The following ZMYM2 variants were observed in gnomAD, a reference collection of about 807,000 sequenced individuals.
ZMYM2 encodes zinc finger MYM-type protein 2.
A neutral mutation model predicts 162.8 loss-of-function variants in ZMYM2; 56 were observed. The ratio of observed to expected loss-of-function variants is 0.34; its 90% confidence interval spans 0.28 to 0.43. The LOEUF is 0.43. Among genes scored for constraint, ZMYM2 ranks in the 20% least tolerant of loss-of-function variants. The pLI, the probability that ZMYM2 is intolerant of heterozygous loss-of-function variation, is 1.00. For missense variants in ZMYM2, 1,275 were observed against 1,621.8 expected (o/e 0.79, Z 3.67); for synonymous variants, 510 against 541.6 (o/e 0.94, Z 0.81).
the ZMYM2 span, among the ~76,000 whole-genome samples, chr13:19,884,458 G>C: frequency 6.6e-6 from 1 of 152,036 alleles, no homozygotes. Context: ...GGCGGCCGTG[G>C]TCCCAGCTAC....
chr13:19,946,417 C>T, the ZMYM2 span, among the ~76,000 whole-genome samples: 17 of 152,160 alleles, frequency 1.1e-4, no homozygotes, highest in African/African-American at 4.1e-4. Flanking sequence ...TCTTGATTTT[C>T]CTGCTGTTCA....
chr13:20,009,396 T>A (rs556255763), intron 6 of ZMYM2, among the ~76,000 whole-genome samples: 13 of 152,318 alleles, frequency 8.5e-5, no homozygotes, highest in African/African-American at 3.1e-4. Flanking sequence ...TCATAAGGTT[T>A]TTAAACATTG....
At chr13:20,006,213 A>G (rs1950730952) in intron 5 of ZMYM2, among the ~76,000 whole-genome samples, 161 bp from the exon 6 acceptor site, 2 of 148,684 alleles carry the variant, frequency 1.3e-5, no homozygotes, top group Admixed American at 6.9e-5. Context: ...AGCCTGGGTA[A>G]TGAGTGAGAC....
At chr13:20,049,465 T>C (rs1707118069) in intron 12 of ZMYM2, among the ~76,000 whole-genome samples, 1 of 152,042 alleles carries the variant, frequency 6.6e-6, no homozygotes, top group African/African-American at 2.4e-5. Context: ...AGAGTCAGCA[T>C]AGTACATGTA....
chr13:19,904,026 G>A, the ZMYM2 span, among the ~76,000 whole-genome samples: 4 of 152,070 alleles, frequency 2.6e-5, no homozygotes, highest in East Asian at 7.7e-4. Flanking sequence ...AGACCTAGAG[G>A]ACCCAAGAGA....
At chr13:20,003,921 T>G (rs1950562641) in intron 4 of ZMYM2, among the ~76,000 whole-genome samples, 1 of 152,200 alleles carries the variant, frequency 6.6e-6, no homozygotes, top group Non-Finnish European at 1.5e-5. Context: ...AGTGCTGGGA[T>G]TATAGGCGTG....
chr13:19,902,507 T>G, the ZMYM2 span, among the ~76,000 whole-genome samples: 1 of 151,886 alleles, frequency 6.6e-6, no homozygotes, highest in Non-Finnish European at 1.5e-5. Flanking sequence ...TCCCAGCTAC[T>G]CGGGAGGCTG....
chr13:20,005,986 C>A (rs2139965057), intron 5 of ZMYM2, among the ~76,000 whole-genome samples: 1 of 152,238 alleles, frequency 6.6e-6, no homozygotes, highest in East Asian at 1.9e-4. Context: ...AATCCTAGCA[C>A]TTTGGGAAGC....
chr13:19,971,578 T>C (rs1321724228), intron 2 of ZMYM2, among the ~76,000 whole-genome samples: 2 of 151,984 alleles, frequency 1.3e-5, no homozygotes, highest in Admixed American at 6.6e-5. Flanking sequence ...CCGATTCATT[T>C]TTAAGAAGTT....
the ZMYM2 span, among the ~76,000 whole-genome samples, chr13:19,907,442 TC>T: frequency 6.6e-6 from 1 of 152,126 alleles, no homozygotes; most frequent in Non-Finnish European, 1.5e-5. Context: ...ATCTGTACTT[TC>T]CACTCAAATT....
intron 10 of ZMYM2, 91 bp downstream of exon 10, chr13:20,031,526 T>C: frequency 1.2e-6 from 1 of 816,376 alleles, no homozygotes; most frequent in South Asian, 2.7e-5. Context: ...ACCTATTTCT[T>C]GGTAGATAAA....
chr13:19,961,659 T>C (rs1478647176), intron 2 of ZMYM2, among the ~76,000 whole-genome samples: 1 of 152,192 alleles, frequency 6.6e-6, no homozygotes, highest in Non-Finnish European at 1.5e-5. Context: ...ACATAAAAAA[T>C]GCAAAATCAG....
intron 2 of ZMYM2, among the ~76,000 whole-genome samples, chr13:19,988,279 T>C (rs1949337732): frequency 1.3e-5 from 2 of 152,348 alleles, no homozygotes; most frequent in South Asian, 4.1e-4. Flanking sequence ...CACTAGAACT[T>C]GGTTTATGGT....
chr13:20,009,426 T>C (rs944015380), intron 6 of ZMYM2, among the ~76,000 whole-genome samples: 4 of 152,198 alleles, frequency 2.6e-5, no homozygotes, highest in African/African-American at 9.6e-5. Flanking sequence ...ATATGTAACA[T>C]AAAATTTGCA....
chr13:20,059,428 A>G lies in ZMYM2; in HGVS notation c.2624-19A>G. 6.2e-7 allele frequency: 1 copy of G among 1,612,280 alleles called. No homozygotes were observed. The highest frequency in any genetic ancestry group is 8.5e-7 in the Non-Finnish European group (1 of 1,178,982). ...AGTGTTAGTTAACATTGCTCCTTAA[A>G]TATGTTTTGTGTTTTTAGATGATAC... On this transcript the variant is annotated intron_variant, in intron 15 of 24. Coordinates refer to ENST00000610343, the MANE Select transcript of ZMYM2 (RefSeq NM_197968.4).
the ZMYM2 span, among the ~76,000 whole-genome samples, chr13:19,944,967 G>A: frequency 1.3e-4 from 19 of 150,956 alleles, no homozygotes; most frequent in Non-Finnish European, 2.4e-4. Flanking sequence ...CACTGCGCCC[G>A]GCCCCTATTT....
chr13:20,063,135 G>GT (rs1437816590), intron 18 of ZMYM2, among the ~76,000 whole-genome samples, 164 bp downstream of exon 18: 4 of 150,802 alleles, frequency 2.7e-5, no homozygotes, highest in Admixed American at 6.6e-5. Context: ...TTTTGTTGTT[G>GT]TTTTTTTTTA....
chr13:20,039,399 G>A (rs1954022075), intron 12 of ZMYM2, among the ~76,000 whole-genome samples: 1 of 151,442 alleles, frequency 6.6e-6, no homozygotes, highest in Admixed American at 6.6e-5. Context: ...GCAGTATGAT[G>A]TTCGCTGTGT....
intron 12 of ZMYM2, among the ~76,000 whole-genome samples, chr13:20,042,137 A>G (rs1954311037): frequency 2.0e-5 from 3 of 152,156 alleles, no homozygotes; most frequent in Admixed American, 2.0e-4. Context: ...CATGGATGAT[A>G]TCCAGAAATA....
Sources: allele counts gnomAD v4.1 joint callset (sites outside exome capture counted in the v4.1 genomes callset), GRCh38; gene constraint gnomAD v4.1.1; transcripts MANE v1.5; gene names NCBI Gene and HGNC (gene_info 2026-07-23, HGNC 2026-07-21).